The following SPATA13 variants were observed in gnomAD, a reference collection of about 807,000 sequenced individuals.
SPATA13 encodes the protein spermatogenesis-associated protein 13.
A neutral mutation model predicts 104.0 loss-of-function variants in SPATA13; 50 were observed. That is an observed-to-expected ratio of 0.48 (90% CI 0.38 to 0.61). The LOEUF (loss-of-function observed/expected upper bound fraction) is 0.61. Ranked by LOEUF, SPATA13 falls within the 20% of genes least tolerant of loss-of-function variation. The probability of loss-of-function intolerance (pLI) is 0.00; values close to 1 mark genes in which losing one functional copy is unlikely to be tolerated. For synonymous variants in SPATA13, 606 were observed against 667.5 expected, an observed-to-expected ratio of 0.91 and a Z score of 1.42; for missense variants, 1,524 against 1,690.6, an observed-to-expected ratio of 0.90 and a Z score of 1.73.
chr13:24,021,242 C>T (rs1338969802), intron 3 of SPATA13, among the ~76,000 whole-genome samples: 1 of 152,214 alleles, frequency 6.6e-6, no homozygotes, highest in Non-Finnish European at 1.5e-5. Flanking sequence ...GGGAGTATTC[C>T]AAGTGCGGAG....
Position 24,224,205 on chromosome 13 carries a change from T to C in SPATA13, c.1276T>C (p.Cys426Arg). Residue 426 changes from cysteine (C) to arginine (R), a missense_variant, in exon 2 of 13, where the codon TGC becomes CGC. Around this residue, in one of 2 missense-constraint regions of SPATA13, gnomAD observed 1,089 missense variants for 1,135.9 expected, o/e 0.96. Transcript: ENST00000382108. Reference protein sequence around the residue: ...SSWAVESDSSCTCSSLPSPIV... With the variant: ...SSWAVESDSSRTCSSLPSPIV... ...CTGGGCGGTGGAAAGCGACAGTTCC[T>C]GCACTTGCAGCTCTTTGCCAAGCCC... 1.3e-6 allele frequency: 2 copies of C among 1,551,752 alleles called. No individual in the cohort carries two copies. Among genetic ancestry groups the C allele is most frequent in the Admixed American group, 2.0e-5 (1 of 51,002 alleles).
chr13:24,106,644 A>C (rs1880464485), intron 3 of SPATA13, among the ~76,000 whole-genome samples: 2 of 152,158 alleles, frequency 1.3e-5, no homozygotes, highest in South Asian at 4.2e-4. Flanking sequence ...GTTTGTTTCC[A>C]ATGTGGAATC....
chr13:24,105,339 G>A (rs189420195), intron 3 of SPATA13, among the ~76,000 whole-genome samples: 7 of 151,862 alleles, frequency 4.6e-5, no homozygotes, highest in East Asian at 1.9e-4. Context: ...GGGATCTGCC[G>A]TGTTGTCCAG....
intron 4 of SPATA13, among the ~76,000 whole-genome samples, chr13:24,260,489 C>G (rs1874006799): frequency 2.0e-5 from 3 of 152,146 alleles, no homozygotes; most frequent in South Asian, 4.1e-4. Context: ...CCCACCAAGC[C>G]TGTTTATGGC....
At chr13:24,129,657 C>A (rs1357447877) in intron 3 of SPATA13, among the ~76,000 whole-genome samples, 1 of 152,184 alleles carries the variant, frequency 6.6e-6, no homozygotes, top group Non-Finnish European at 1.5e-5. Context: ...GCTTCTGGTT[C>A]CTGGCCAGAT....
At chr13:24,141,449 C>T (rs1307663818) in intron 3 of SPATA13, among the ~76,000 whole-genome samples, 1 of 152,188 alleles carries the variant, frequency 6.6e-6, no homozygotes, top group Non-Finnish European at 1.5e-5. Context: ...TTCCCTCCCA[C>T]CTGCTGTGCC....
rs143410347 is a variant in SPATA13, at chr13:24,099,219, C to T, written c.-112+81518C>T. On this transcript the variant is annotated intron_variant, in intron 3 of 14. Transcript: ENST00000424834. ...ATGCATTTATCCTGCTTTATCTCTA[C>T]AGGTGATACCAACTGGTACAACAAA... is the stretch of plus-strand genomic sequence containing the variant. Among the ~76,000 whole-genome samples, 258 of 152,312 alleles carry T rather than the reference C, an allele frequency of 1.7e-3. 1 individual carries two copies. The highest frequency in any genetic ancestry group is 9.1e-3 in the South Asian group (44 of 4,828).
intron 3 of SPATA13, among the ~76,000 whole-genome samples, chr13:24,068,194 T>C (rs1011529038): frequency 1.3e-5 from 2 of 152,152 alleles, no homozygotes; most frequent in African/African-American, 4.8e-5. Flanking sequence ...GGGTGTTTTG[T>C]TCTCCTCTAT....
At chr13:24,270,686 C>A in intron 4 of SPATA13, 2 of 1,452,410 alleles carry the variant, frequency 1.4e-6, no homozygotes, top group Non-Finnish European at 1.8e-6. Context: ...AGCCAGCTGT[C>A]AGTTTCTGGG....
intron 10 of SPATA13, 143 bp from the exon 11 acceptor site, chr13:24,297,220 T>C: frequency 1.0e-6 from 1 of 953,836 alleles, no homozygotes. Flanking sequence ...TAAAATTTTA[T>C]GTGGAGATGG....
At chr13:24,068,766 A>T (rs1479973281) in intron 3 of SPATA13, among the ~76,000 whole-genome samples, 1 of 152,188 alleles carries the variant, frequency 6.6e-6, no homozygotes, top group Non-Finnish European at 1.5e-5. Flanking sequence ...TCTAATGATC[A>T]GTGGTATTGA....
chr13:24,219,983 G>A (rs764647674), intron 1 of SPATA13, among the ~76,000 whole-genome samples: 1 of 152,120 alleles, frequency 6.6e-6, no homozygotes, highest in Non-Finnish European at 1.5e-5. Flanking sequence ...TCAGACACCT[G>A]GTCCCCCAAA....
rs138537564 is a variant in SPATA13 at position 24,092,964 on chromosome 13, T to C, written c.-112+75263T>C. Among the ~76,000 whole-genome samples, 719 of 152,328 alleles carry C rather than the reference T, an allele frequency of 4.7e-3. 1 individual carries two copies. The highest frequency in any genetic ancestry group is 0.016 in the African/African-American group (678 of 41,572). ...TTAACGTTGCAGATGACTATTTTCT[T>C]ACACAGAGAATCTGAGAGGATCACC... On this transcript the variant is annotated intron_variant, in intron 3 of 14. Coordinates refer to the SPATA13 transcript ENST00000424834.
chr13:24,199,181 G>A (rs1158477380), intron 1 of SPATA13, among the ~76,000 whole-genome samples: 6 of 151,984 alleles, frequency 3.9e-5, no homozygotes, highest in African/African-American at 7.2e-5. Flanking sequence ...GAGCCACTGC[G>A]CCCGCCAGAA....
rs770065887 is a variant in SPATA13 at position 24,223,191 on chromosome 13, G to C, written c.262G>C (p.Glu88Gln). The change falls in exon 2 of 13, where the codon GAG becomes CAG. Residue 88 changes from glutamate (E) to glutamine (Q), a missense_variant. Glu to Gln is a conservative substitution (Grantham distance 29, BLOSUM62 2). This residue lies in a region of SPATA13 where 1,089 missense variants were observed against 1,135.9 expected (regional missense o/e 0.96). Coordinates refer to ENST00000382108, the MANE Select transcript of SPATA13 (RefSeq NM_001166271.3). ...TSRKRTGAHPERPHSMVLVGN... is the reference protein window; with the variant it reads ...TSRKRTGAHPQRPHSMVLVGN... Reference sequence around the variant, plus strand: ...TCGGAAGAGGACGGGTGCCCACCCCGAGCGGCCCCACTCCATGGTCCTGGT... The same window carrying C: ...TCGGAAGAGGACGGGTGCCCACCCCCAGCGGCCCCACTCCATGGTCCTGGT... 9.7e-6 allele frequency: 15 copies of C among 1,551,562 alleles called. No homozygotes were observed. The Admixed American group carries it at 2.4e-4, about 24-fold the overall frequency.
At chr13:24,184,743 C>A (rs1340494306) in intron 1 of SPATA13, among the ~76,000 whole-genome samples, 1 of 152,112 alleles carries the variant, frequency 6.6e-6, no homozygotes, top group African/African-American at 2.4e-5. Flanking sequence ...AATATAAAAT[C>A]GTGTCCACCA....
chr13:24,251,580 C>G, intron 3 of SPATA13, 138 bp from the exon 4 acceptor site: 1 of 1,502,756 alleles, frequency 6.7e-7, no homozygotes. Context: ...TTCGGTGCAG[C>G]CTGCAACTCG....
intron 1 of SPATA13, among the ~76,000 whole-genome samples, chr13:24,176,291 G>A (rs1264396143): frequency 6.6e-6 from 1 of 152,070 alleles, no homozygotes; most frequent in East Asian, 1.9e-4. Context: ...AACAGATCTG[G>A]TGTCAGTACT....
chr13:24,142,651 C>T (rs531597365), intron 3 of SPATA13, among the ~76,000 whole-genome samples: 15 of 152,170 alleles, frequency 9.9e-5, no homozygotes, highest in Admixed American at 3.3e-4. Context: ...TTTCCTCCTC[C>T]CCCTTTCCTC....
Sources: allele counts gnomAD v4.1 joint callset (sites outside exome capture counted in the v4.1 genomes callset), GRCh38; gene constraint gnomAD v4.1.1; regional missense constraint gnomAD v4.1.1; transcripts MANE v1.5; gene names NCBI Gene and HGNC (gene_info 2026-07-23, HGNC 2026-07-21).